SCML4: variants seen among roughly 807,000 people sequenced by gnomAD.
SCML4 encodes the protein sex comb on midleg-like protein 4.
SCML4 carries 34 observed loss-of-function variants against 41.1 expected under a neutral mutation model. The observed-to-expected ratio is 0.83, with a 90% CI of 0.63 to 1.10. SCML4 has a LOEUF of 1.10. SCML4 is among the 50% of genes least tolerant of loss of function. The pLI is 0.00. For synonymous variants in SCML4, 214 were observed against 220.9 expected (o/e 0.97, Z 0.28); for missense variants, 522 against 534.1 (o/e 0.98, Z 0.22).
intron 2 of SCML4, among the ~76,000 whole-genome samples, chr6:107,752,081 T>C (rs1010435608): frequency 1.4e-4 from 21 of 152,310 alleles, no homozygotes; most frequent in African/African-American, 4.6e-4. Context: ...ATCCTGGACA[T>C]GTTTTGAAGG....
the SCML4 span, among the ~76,000 whole-genome samples, chr6:107,843,622 C>T: frequency 2.6e-5 from 4 of 152,206 alleles, no homozygotes; most frequent in African/African-American, 9.6e-5. Flanking sequence ...TGCCCACTGG[C>T]CCTGCCGGTA....
Position 107,720,838 on chromosome 6 carries a change from C to T in SCML4, c.838G>A (p.Gly280Arg). 6.2e-7 allele frequency: 1 copy of T among 1,614,090 alleles called. No individual in the cohort carries two copies. Among genetic ancestry groups the T allele is most frequent in the Non-Finnish European group, 8.5e-7 (1 of 1,179,958 alleles). ...CCAGCGGTGGCAGCAGGACCACCCC[C>T]AAGGTGGCTGTCTCCAGAGTTCTGC... is the stretch of plus-strand genomic sequence containing the variant. ...KRQNSGDSHLGGGPAATAGGP... is the reference protein window; with the variant it reads ...KRQNSGDSHLRGGPAATAGGP... Residue 280 changes from glycine to arginine, a missense_variant, in exon 6 of 8, where the codon GGG (glycine) becomes AGG (arginine). Coordinates refer to ENST00000369020, the MANE Select transcript of SCML4 (RefSeq NM_198081.5).
chr6:107,740,266 TA>T, intron 5 of SCML4: 2 of 416,842 alleles, frequency 4.8e-6, no homozygotes, highest in South Asian at 1.7e-5. Context: ...GCGGGTCTTG[TA>T]AAAAGAGATG....
At chr6:107,839,982 T>A in the SCML4 span, among the ~76,000 whole-genome samples, 1 of 152,218 alleles carries the variant, frequency 6.6e-6, no homozygotes. Flanking sequence ...AACACAATTT[T>A]AAAAATGTAA....
chr6:107,762,839 G>A (rs572029980), intron 2 of SCML4, among the ~76,000 whole-genome samples: 8 of 137,192 alleles, frequency 5.8e-5, no homozygotes, highest in Non-Finnish European at 9.5e-5. Flanking sequence ...CTAGTTTGTT[G>A]TGTTTTGTTA....
At chr6:107,836,602 T>C in the SCML4 span, among the ~76,000 whole-genome samples, 1 of 152,198 alleles carries the variant, frequency 6.6e-6, no homozygotes, top group Non-Finnish European at 1.5e-5. Flanking sequence ...CCTGGTTCAG[T>C]GATGAGGGTG....
chr6:107,837,950 C>G, the SCML4 span, among the ~76,000 whole-genome samples: 1 of 146,540 alleles, frequency 6.8e-6, no homozygotes, highest in African/African-American at 2.5e-5. Context: ...CTCTGTCGCC[C>G]AGGTTGGAGT....
At chr6:107,781,863 A>G (rs1305929393) in intron 1 of SCML4, among the ~76,000 whole-genome samples, 1 of 152,038 alleles carries the variant, frequency 6.6e-6, no homozygotes, top group Non-Finnish European at 1.5e-5. Context: ...CAGATGTAGA[A>G]CTCTCAACTC....
intron 1 of SCML4, among the ~76,000 whole-genome samples, chr6:107,776,884 G>T (rs1176215674): frequency 6.6e-6 from 1 of 152,132 alleles, no homozygotes; most frequent in East Asian, 1.9e-4. Flanking sequence ...TGAAATATTT[G>T]TATGTATATA....
intron 2 of SCML4, among the ~76,000 whole-genome samples, chr6:107,766,949 A>AT (rs35794596): frequency 0.05 from 6,803 of 136,276 alleles, 226 homozygotes; most frequent in Middle Eastern, 0.14. Flanking sequence ...CTATTAAGCT[A>AT]TTTTTTTTTT....
chr6:107,825,547 T>G (rs865864138), upstream of SCML4, among the ~76,000 whole-genome samples: 1 of 152,236 alleles, frequency 6.6e-6, no homozygotes, highest in Non-Finnish European at 1.5e-5. Context: ...ATCATCAAAT[T>G]TTGTTGTTTT....
At chr6:107,831,219 G>A in the SCML4 span, among the ~76,000 whole-genome samples, 1 of 152,060 alleles carries the variant, frequency 6.6e-6, no homozygotes, top group Middle Eastern at 3.2e-3. Flanking sequence ...AGTTCATGTA[G>A]AAGATAGTTT....
At chr6:107,833,563 G>C in the SCML4 span, among the ~76,000 whole-genome samples, 3 of 152,036 alleles carry the variant, frequency 2.0e-5, no homozygotes, top group Non-Finnish European at 4.4e-5. Context: ...ATGGATCCTT[G>C]GACTGACCTA....
At chr6:107,791,590 T>C (rs1343480189) in intron 1 of SCML4, among the ~76,000 whole-genome samples, 1 of 152,244 alleles carries the variant, frequency 6.6e-6, no homozygotes, top group Non-Finnish European at 1.5e-5. Flanking sequence ...TAGTAACACT[T>C]ATTAAAGAAT....
At chr6:107,757,136 G>A (rs552283666) in intron 2 of SCML4, among the ~76,000 whole-genome samples, 2 of 152,318 alleles carry the variant, frequency 1.3e-5, no homozygotes, top group East Asian at 3.9e-4. Flanking sequence ...TCTGGAATCA[G>A]CTCATCTTTC....
chr6:107,828,958 A>G (rs767638205), upstream of SCML4, among the ~76,000 whole-genome samples: 39 of 152,252 alleles, frequency 2.6e-4, no homozygotes, highest in Middle Eastern at 3.4e-3. Context: ...TACACAAAGC[A>G]CCCCAAAAAG....
At chr6:107,772,588 G>A (rs1055514991) in intron 1 of SCML4, among the ~76,000 whole-genome samples, 2 of 152,134 alleles carry the variant, frequency 1.3e-5, no homozygotes, top group African/African-American at 4.8e-5. Context: ...TAATTTCAAG[G>A]ATGTTGAATT....
chr6:107,819,456 T>A (rs1784788710), intron 1 of SCML4, among the ~76,000 whole-genome samples: 1 of 152,146 alleles, frequency 6.6e-6, no homozygotes, highest in South Asian at 2.1e-4. Flanking sequence ...AGCACAGTGT[T>A]GACACTATTT....
chr6:107,791,611 C>G (rs1445792056), intron 1 of SCML4, among the ~76,000 whole-genome samples: 1 of 152,190 alleles, frequency 6.6e-6, no homozygotes, highest in Non-Finnish European at 1.5e-5. Flanking sequence ...GTGGTAATTA[C>G]TGATATTGGA....
Sources: gnomAD v4.1 joint callset for allele counts (sites outside exome capture counted in the v4.1 genomes callset) on GRCh38, gnomAD v4.1.1 for gene constraint, MANE v1.5 for transcripts, NCBI Gene and HGNC (gene_info 2026-07-23, HGNC 2026-07-21) for gene names.